ZNF724: variants seen among roughly 807,000 people sequenced by gnomAD.
ZNF724 encodes zinc finger protein 724 pseudogene.
Under a neutral mutation model 29.3 loss-of-function variants are expected in ZNF724, and 14 were observed. That is an observed-to-expected ratio of 0.48 (90% CI 0.32 to 0.75). The LOEUF (loss-of-function observed/expected upper bound fraction) is 0.75, where lower values mean the gene tolerates loss of function less well. ZNF724 is among the 30% of genes least tolerant of loss of function. The pLI is 0.04. For synonymous variants in ZNF724, 180 were observed against 193.6 expected (o/e 0.93, Z 0.58); for missense variants, 557 against 571.2 (o/e 0.98, Z 0.25).
At chr19:23,234,154 C>T (rs183533504) in intron 1 of ZNF724, among the ~76,000 whole-genome samples, 2 of 152,286 alleles carry the variant, frequency 1.3e-5, no homozygotes, top group South Asian at 2.1e-4. Context: ...GACCATCCTT[C>T]AGTGGAAAAG....
At chr19:23,225,795 G>GA (rs749281875) in intron 3 of ZNF724, among the ~76,000 whole-genome samples, 7 of 152,168 alleles carry the variant, frequency 4.6e-5, no homozygotes, top group Non-Finnish European at 8.8e-5. Context: ...GAGGAGAGGG[G>GA]AAAATGGGCA....
intron 1 of ZNF724, among the ~76,000 whole-genome samples, chr19:23,249,780 C>T (rs1972314815): frequency 6.6e-6 from 1 of 152,162 alleles, no homozygotes; most frequent in South Asian, 2.1e-4. Context: ...GTGATCCGCC[C>T]GCCTCGGCCT....
At chr19:23,244,892 A>C (rs1366976355) in intron 1 of ZNF724, among the ~76,000 whole-genome samples, 1 of 152,216 alleles carries the variant, frequency 6.6e-6, no homozygotes, top group Non-Finnish European at 1.5e-5. Flanking sequence ...CAGTACTTAG[A>C]AAAACACTGT....
chr19:23,239,076 A>C (rs1207953423), intron 1 of ZNF724, among the ~76,000 whole-genome samples: 1 of 152,186 alleles, frequency 6.6e-6, no homozygotes, highest in Admixed American at 6.5e-5. Context: ...TGAATAAAGC[A>C]AGTTCTTACG....
chr19:23,227,565 A>C (rs1234249588), intron 3 of ZNF724, among the ~76,000 whole-genome samples: 1 of 110,092 alleles, frequency 9.1e-6, no homozygotes, highest in Non-Finnish European at 2.1e-5. Flanking sequence ...CAAAAAAAAA[A>C]AAAAACAAAA....
intron 1 of ZNF724, among the ~76,000 whole-genome samples, chr19:23,232,514 C>G (rs1186546490): frequency 6.6e-6 from 1 of 152,132 alleles, no homozygotes. Flanking sequence ...ATATATGATA[C>G]TTTTCTGGAT....
chr19:23,231,190 G>GT (rs774777111), intron 3 of ZNF724, 76 bp downstream of exon 3: 12 of 1,066,974 alleles, frequency 1.1e-5, no homozygotes, highest in Non-Finnish European at 1.6e-5. Flanking sequence ...GCCCCAAATC[G>GT]TATTTCAAAA....
chr19:23,244,156 T>G (rs1160533240), intron 1 of ZNF724, among the ~76,000 whole-genome samples: 4 of 152,178 alleles, frequency 2.6e-5, no homozygotes, highest in Non-Finnish European at 4.4e-5. Flanking sequence ...TGCTATTTAT[T>G]TCTGGGTCCA....
intron 1 of ZNF724, among the ~76,000 whole-genome samples, chr19:23,245,550 T>A (rs1599650241): frequency 6.6e-6 from 1 of 152,068 alleles, no homozygotes; most frequent in Admixed American, 6.6e-5. Context: ...GAGGCGGGGC[T>A]TGCAGTGAGC....
In ZNF724 at chr19:23,233,223, A is replaced by G. The variant is rs79080957; in HGVS notation, c.4-930T>C. 8.6e-3 allele frequency among the ~76,000 whole-genome samples: 1,311 copies of G among 152,332 alleles called. 52 individuals are homozygous for G. The highest frequency in any genetic ancestry group is 0.077 in the Admixed American group (1,179 of 15,302). ...ATCTTGATACAGGATATCTTAAGAT[A>G]CAGGAATCTTCTATTCAAGATACCT... On this transcript the variant is annotated intron_variant, in intron 1 of 3. Coordinates refer to ENST00000418100, the MANE Select transcript of ZNF724 (RefSeq NM_001355404.2).
At position 23,223,377 on chromosome 19, in the gene ZNF724, C is replaced by G. The variant is rs1971760661; in HGVS notation, c.868G>C (p.Ala290Pro). ...GTAAGGGTTGATGATTGGTTAAAAG[C>G]TTTGCCACATTCTTTACATTTGTAG... is the stretch of plus-strand genomic sequence containing the variant. ...NAYKCKECGK[A>P]FNQSSTLTRH... The change falls in exon 4 of 4, where the codon GCT becomes CCT. Residue 290 changes from alanine to proline, a missense_variant. Ala to Pro is a conservative substitution (Grantham distance 27). Coordinates refer to ENST00000418100, the MANE Select transcript of ZNF724 (RefSeq NM_001355404.2). 1 of 771,022 alleles carries G rather than the reference C, an allele frequency of 1.3e-6. No homozygotes were observed. The highest frequency in any genetic ancestry group is 2.4e-6 in the Non-Finnish European group (1 of 413,844). 47.8% of individuals were successfully genotyped at this position (771,022 alleles called of 1,614,324 possible).
intron 3 of ZNF724, among the ~76,000 whole-genome samples, chr19:23,224,275 T>C (rs913473790): frequency 1.3e-5 from 2 of 152,064 alleles, no homozygotes; most frequent in Non-Finnish European, 2.9e-5. Flanking sequence ...TAGCCGGGCA[T>C]GATAGCATGC....
intron 3 of ZNF724, among the ~76,000 whole-genome samples, chr19:23,226,312 A>G (rs1423710617): frequency 1.3e-5 from 2 of 152,018 alleles, no homozygotes; most frequent in African/African-American, 4.8e-5. Context: ...CGGCCTCCCA[A>G]AGTGCTGGGA....
At chr19:23,242,300 C>T (rs1306174948) in intron 1 of ZNF724, among the ~76,000 whole-genome samples, 1 of 152,102 alleles carries the variant, frequency 6.6e-6, no homozygotes, top group Non-Finnish European at 1.5e-5. Flanking sequence ...CCATACTGAC[C>T]AGGCATGATG....
chr19:23,233,290 A>G (rs1971969521), intron 1 of ZNF724, among the ~76,000 whole-genome samples: 1 of 152,218 alleles, frequency 6.6e-6, no homozygotes, highest in Admixed American at 6.5e-5. Flanking sequence ...GATTTTAAGT[A>G]GTCTTTCTTT....
intron 3 of ZNF724, among the ~76,000 whole-genome samples, chr19:23,226,826 T>C (rs527879407): frequency 1.6e-4 from 24 of 152,284 alleles, no homozygotes; most frequent in Admixed American, 1.3e-3. Context: ...AGCTCATTTA[T>C]TTCTTAATTA....
chr19:23,239,989 A>G (rs1182592215), intron 1 of ZNF724, among the ~76,000 whole-genome samples: 1 of 152,230 alleles, frequency 6.6e-6, no homozygotes, highest in African/African-American at 2.4e-5. Context: ...ATTAGCAAAG[A>G]AAGAAGATCC....
rs568050189 is a variant in ZNF724 at position 23,235,642 on chromosome 19, C to T, written c.4-3349G>A. 4.7e-4 allele frequency among the ~76,000 whole-genome samples: 71 copies of T among 152,118 alleles called. 2 individuals carry two copies. In the South Asian group the frequency reaches 0.012, roughly 27 times the overall value. ...GGCCAGACTTCAAGGTGGGGCCAGA[C>T]CGAAATAAGAAGTAAAATAGCTGAT... is the stretch of plus-strand genomic sequence containing the variant. On this transcript the variant is annotated intron_variant, in intron 1 of 3. Transcript: ENST00000418100.
chr19:23,226,301 T>A (rs1220915762), intron 3 of ZNF724, among the ~76,000 whole-genome samples: 1 of 152,120 alleles, frequency 6.6e-6, no homozygotes, highest in African/African-American at 2.4e-5. Context: ...TCTGCCCACC[T>A]CGGCCTCCCA....
Sources: gnomAD v4.1 joint callset for allele counts (sites outside exome capture counted in the v4.1 genomes callset) on GRCh38, gnomAD v4.1.1 for gene constraint, MANE v1.5 for transcripts, NCBI Gene and HGNC (gene_info 2026-07-23, HGNC 2026-07-21) for gene names.